Variants in FBXL7 observed in about 807,000 individuals in gnomAD.
The protein encoded by FBXL7 is F-box/LRR-repeat protein 7.
Under a neutral mutation model 38.3 loss-of-function variants are expected in FBXL7, and 12 were observed. The observed-to-expected ratio is 0.31, with a 90% CI of 0.20 to 0.51. The LOEUF (loss-of-function observed/expected upper bound fraction) is 0.51, where lower values mean the gene tolerates loss of function less well. Ranked by LOEUF, FBXL7 falls within the 20% of genes least tolerant of loss-of-function variation. The probability of loss-of-function intolerance (pLI) is 0.98; values close to 1 mark genes in which losing one functional copy is unlikely to be tolerated. For missense variants in FBXL7, 567 were observed against 676.4 expected, an observed-to-expected ratio of 0.84 and a Z score of 1.79; for synonymous variants, 297 against 300.9, an observed-to-expected ratio of 0.99 and a Z score of 0.13.
intron 2 of FBXL7, among the ~76,000 whole-genome samples, chr5:15,847,137 G>A (rs932959046): frequency 1.3e-5 from 2 of 152,006 alleles, no homozygotes; most frequent in Non-Finnish European, 2.9e-5. Context: ...TTCCCAGATG[G>A]TCCCTGAATT....
chr5:15,751,402 T>C (rs986827311), intron 2 of FBXL7, among the ~76,000 whole-genome samples: 1 of 152,156 alleles, frequency 6.6e-6, no homozygotes, highest in African/African-American at 2.4e-5. Flanking sequence ...GATGAGAACT[T>C]AGCTGCTTTG....
chr5:15,589,834 G>A (rs1412040218), intron 1 of FBXL7, among the ~76,000 whole-genome samples: 1 of 152,168 alleles, frequency 6.6e-6, no homozygotes, highest in Non-Finnish European at 1.5e-5. Flanking sequence ...CATCAGAGGT[G>A]ATGATGCACA....
chr5:15,723,594 C>T (rs1744262700), intron 2 of FBXL7, among the ~76,000 whole-genome samples: 1 of 152,158 alleles, frequency 6.6e-6, no homozygotes, highest in African/African-American at 2.4e-5. Flanking sequence ...ATAGTGTTTC[C>T]AGCATACAGT....
intron 1 of FBXL7, among the ~76,000 whole-genome samples, chr5:15,593,282 G>C (rs1739533107): frequency 6.6e-6 from 1 of 152,006 alleles, no homozygotes; most frequent in African/African-American, 2.4e-5. Context: ...CCAACACTTT[G>C]GGAGGCCGAG....
intron 2 of FBXL7, among the ~76,000 whole-genome samples, chr5:15,865,144 C>T (rs1255340114): frequency 2.6e-5 from 4 of 152,206 alleles, no homozygotes; most frequent in Non-Finnish European, 4.4e-5. Context: ...TCTCTGGCTC[C>T]AAACATCCAT....
intron 2 of FBXL7, among the ~76,000 whole-genome samples, chr5:15,675,269 G>T (rs1204629208): frequency 6.6e-6 from 1 of 152,174 alleles, no homozygotes; most frequent in Non-Finnish European, 1.5e-5. Context: ...AAATATACTT[G>T]TATCCCCTGA....
At position 15,930,633 on chromosome 5, in the gene FBXL7, C is replaced by A. The variant is rs550029771; in HGVS notation, c.739+2132C>A. ...CTTGATATCTGTCTTGTATGTTAAC[C>A]TGCTTACTTTGAAAGTTCAAATATA... On this transcript the variant is annotated intron_variant, in intron 3 of 3. Coordinates refer to ENST00000504595, the MANE Select transcript of FBXL7 (RefSeq NM_012304.5). Among the ~76,000 whole-genome samples the A allele has an allele frequency of 3.9e-4, 59 of 152,288 alleles. 1 individual carries two copies. The highest frequency in any genetic ancestry group is 1.4e-3 in the African/African-American group (59 of 41,554).
chr5:15,812,000 G>T (rs968461831), intron 2 of FBXL7, among the ~76,000 whole-genome samples: 1 of 151,988 alleles, frequency 6.6e-6, no homozygotes, highest in African/African-American at 2.4e-5. Context: ...TATACCCAAA[G>T]GATTATAAAT....
chr5:15,824,484 A>T (rs1311878751), intron 2 of FBXL7, among the ~76,000 whole-genome samples: 1 of 151,868 alleles, frequency 6.6e-6, no homozygotes, highest in Non-Finnish European at 1.5e-5. Context: ...GGCGCCCTCT[A>T]CTGTTCTTCA....
intron 2 of FBXL7, among the ~76,000 whole-genome samples, chr5:15,831,391 C>G (rs1738452794): frequency 6.6e-6 from 1 of 152,152 alleles, no homozygotes; most frequent in Admixed American, 6.5e-5. Flanking sequence ...GAGGCAAACC[C>G]AGGGCACACT....
intron 1 of FBXL7, among the ~76,000 whole-genome samples, chr5:15,504,572 C>T (rs1258150642): frequency 6.6e-6 from 1 of 152,166 alleles, no homozygotes; most frequent in East Asian, 1.9e-4. Flanking sequence ...GACTAATTTG[C>T]AGCCCCATCT....
intron 2 of FBXL7, among the ~76,000 whole-genome samples, chr5:15,830,496 A>G (rs1432022809): frequency 6.8e-6 from 1 of 146,646 alleles, no homozygotes; most frequent in Non-Finnish European, 1.5e-5. Context: ...ACACACACAC[A>G]CACACACACA....
At chr5:15,699,364 A>G (rs1166086450) in intron 2 of FBXL7, among the ~76,000 whole-genome samples, 1 of 152,150 alleles carries the variant, frequency 6.6e-6, no homozygotes, top group Middle Eastern at 3.2e-3. Context: ...CCTAGCTTCT[A>G]GTGGTGGTTG....
chr5:15,603,399 C>T (rs1739871282), intron 1 of FBXL7, among the ~76,000 whole-genome samples: 1 of 152,132 alleles, frequency 6.6e-6, no homozygotes, highest in Non-Finnish European at 1.5e-5. Flanking sequence ...CATGATACTT[C>T]TATGAGTCTA....
chr5:15,502,245 C>T (rs934817128), intron 1 of FBXL7, among the ~76,000 whole-genome samples: 1 of 151,884 alleles, frequency 6.6e-6, no homozygotes, highest in African/African-American at 2.4e-5. Context: ...TTGAACAATC[C>T]CCTGCCCCCA....
chr5:15,815,207 A>AT (rs1337936336), intron 2 of FBXL7, among the ~76,000 whole-genome samples: 1 of 152,246 alleles, frequency 6.6e-6, no homozygotes, highest in African/African-American at 2.4e-5. Flanking sequence ...ATTTGATAAT[A>AT]TTTTTTGCAG....
intron 2 of FBXL7, among the ~76,000 whole-genome samples, chr5:15,632,180 G>T (rs1197920417): frequency 2.0e-5 from 3 of 152,098 alleles, no homozygotes; most frequent in Admixed American, 6.5e-5. Flanking sequence ...ATCATCAAAT[G>T]GGGATATAAT....
intron 2 of FBXL7, among the ~76,000 whole-genome samples, chr5:15,830,209 C>T (rs747667672): frequency 1.2e-4 from 18 of 152,056 alleles, no homozygotes; most frequent in Admixed American, 2.6e-4. Flanking sequence ...GGTGGCTGGG[C>T]GTGGTGGCTC....
At chr5:15,889,137 ATGGTATAATCCACTAGGAAGGAAAC>A (rs1044657409) in intron 2 of FBXL7, among the ~76,000 whole-genome samples, 10 of 152,286 alleles carry the variant, frequency 6.6e-5, no homozygotes, top group African/African-American at 2.4e-4. Flanking sequence ...GAGACAAGGA[ATGGTATAATCCACTAGGAAGGAAAC>A]TGGTATGTGG....
Sources: allele counts gnomAD v4.1 joint callset (sites outside exome capture counted in the v4.1 genomes callset), GRCh38; gene constraint gnomAD v4.1.1; transcripts MANE v1.5; gene names NCBI Gene and HGNC (gene_info 2026-07-23, HGNC 2026-07-21).